Variants in BCKDHB observed in about 807,000 individuals in gnomAD.
BCKDHB encodes branched chain keto acid dehydrogenase E1 subunit beta.
BCKDHB carries 41 observed loss-of-function variants against 48.5 expected under a neutral mutation model. The ratio of observed to expected loss-of-function variants is 0.85; its 90% CI spans 0.66 to 1.10. The LOEUF is 1.10. BCKDHB is among the 50% of genes least tolerant of loss of function. The pLI, the probability that BCKDHB is intolerant of heterozygous loss-of-function variation, is 0.00. For missense variants in BCKDHB, 496 were observed against 494.2 expected, an observed-to-expected ratio of 1.00 and a Z score of -0.03; for synonymous variants, 201 against 174.8, an observed-to-expected ratio of 1.15 and a Z score of -1.18.
chr6:80,301,584 A>C (rs1449726446), intron 9 of BCKDHB, among the ~76,000 whole-genome samples: 1 of 152,156 alleles, frequency 6.6e-6, no homozygotes, highest in Non-Finnish European at 1.5e-5. Flanking sequence ...ACATACAAAG[A>C]ACTGGTACCA....
At chr6:80,365,390 A>G in the BCKDHB span, among the ~76,000 whole-genome samples, 19 of 152,248 alleles carry the variant, frequency 1.2e-4, no homozygotes, top group African/African-American at 4.1e-4. Flanking sequence ...TCTCAACTGC[A>G]TAAGACAGAC....
chr6:80,394,440 GT>G, the BCKDHB span, among the ~76,000 whole-genome samples: 14 of 147,180 alleles, frequency 9.5e-5, no homozygotes, highest in Admixed American at 2.0e-4. Flanking sequence ...CTGAGTTATT[GT>G]TTTTTTTTTG....
At chr6:80,308,787 G>A (rs994453130) in intron 9 of BCKDHB, among the ~76,000 whole-genome samples, 2 of 151,726 alleles carry the variant, frequency 1.3e-5, no homozygotes, top group African/African-American at 4.8e-5. Context: ...AGTAGAGACG[G>A]AGTTTCACCG....
At chr6:80,296,252 G>C (rs957265422) in intron 9 of BCKDHB, among the ~76,000 whole-genome samples, 1 of 152,152 alleles carries the variant, frequency 6.6e-6, no homozygotes, top group African/African-American at 2.4e-5. Flanking sequence ...ACCTTTTGAA[G>C]AGGATTAAAA....
chr6:80,374,693 A>G, the BCKDHB span: 3 of 356,926 alleles, frequency 8.4e-6, no homozygotes, highest in Non-Finnish European at 1.6e-5. Flanking sequence ...TCACCATGCT[A>G]TTTGTCACCC....
the BCKDHB span, among the ~76,000 whole-genome samples, chr6:80,365,172 G>T: frequency 6.6e-6 from 1 of 152,142 alleles, no homozygotes; most frequent in Non-Finnish European, 1.5e-5. Context: ...GTCCAACAAA[G>T]ATCACAAGGC....
chr6:80,395,716 A>G, the BCKDHB span, among the ~76,000 whole-genome samples: 1 of 152,204 alleles, frequency 6.6e-6, no homozygotes, highest in African/African-American at 2.4e-5. Context: ...TGGGGAAAAT[A>G]TCTCCTGGGC....
At chr6:80,116,902 T>C (rs1241363788) in intron 1 of BCKDHB, among the ~76,000 whole-genome samples, 1 of 152,220 alleles carries the variant, frequency 6.6e-6, no homozygotes, top group Non-Finnish European at 1.5e-5. Context: ...GGTTAGCACA[T>C]GCTATAAGTA....
chr6:80,166,472 A>G (rs1223312746), intron 3 of BCKDHB, among the ~76,000 whole-genome samples: 1 of 152,016 alleles, frequency 6.6e-6, no homozygotes, highest in Non-Finnish European at 1.5e-5. Flanking sequence ...CCTGGCCAAC[A>G]TGGTGAAACC....
At chr6:80,292,474 GC>G (rs1183584590) in intron 9 of BCKDHB, among the ~76,000 whole-genome samples, 2 of 152,096 alleles carry the variant, frequency 1.3e-5, no homozygotes, top group African/African-American at 2.4e-5. Flanking sequence ...CACGTGAACA[GC>G]CTGGGGAAGA....
intron 8 of BCKDHB, among the ~76,000 whole-genome samples, chr6:80,233,971 T>G (rs911129063): frequency 6.6e-6 from 1 of 152,158 alleles, no homozygotes; most frequent in Non-Finnish European, 1.5e-5. Context: ...GGAAATGGTT[T>G]CGAGATGAAA....
At chr6:80,207,096 C>G (rs1774701983) in intron 8 of BCKDHB, among the ~76,000 whole-genome samples, 3 of 151,904 alleles carry the variant, frequency 2.0e-5, no homozygotes, top group Admixed American at 2.0e-4. Flanking sequence ...CAAGGGAGCT[C>G]CCTTTGGCAG....
chr6:80,350,708 T>G (rs193296688), downstream of BCKDHB, among the ~76,000 whole-genome samples: 892 of 152,320 alleles, frequency 5.9e-3, 9 homozygotes, highest in South Asian at 0.051. Context: ...AAGTATTTTA[T>G]TTACTATGAA....
intron 9 of BCKDHB, among the ~76,000 whole-genome samples, chr6:80,304,373 T>G (rs1025153233): frequency 6.6e-6 from 1 of 152,130 alleles, no homozygotes; most frequent in African/African-American, 2.4e-5. Flanking sequence ...TAATGTTTCC[T>G]AAAAATTCTG....
rs1438977052 is a variant in BCKDHB at position 80,201,049 on chromosome 6, C to T, written c.840+18C>T. 1 of 1,564,104 alleles carries T rather than the reference C, an allele frequency of 6.4e-7. No homozygotes were observed. The highest frequency in any genetic ancestry group is 8.8e-7 in the Non-Finnish European group (1 of 1,134,830). On this transcript the variant is annotated intron_variant, in intron 7 of 9. Transcript: ENST00000320393. The stretch of plus-strand genomic sequence containing the variant: ...GCACTCAGGTGAGTAGCATTGATCC[C>T]AACTGTTAAAACCTACGTTGTGCTT...
chr6:80,239,065 G>A (rs536514964), intron 8 of BCKDHB, among the ~76,000 whole-genome samples: 1 of 152,258 alleles, frequency 6.6e-6, no homozygotes, highest in East Asian at 1.9e-4. Flanking sequence ...GAACATACGT[G>A]TGCATGTGTC....
chr6:80,305,297 T>A (rs1394676548), intron 9 of BCKDHB, among the ~76,000 whole-genome samples: 2 of 152,032 alleles, frequency 1.3e-5, no homozygotes, highest in East Asian at 3.8e-4. Flanking sequence ...CTTAAAATAA[T>A]TAACATTTTT....
intron 8 of BCKDHB, among the ~76,000 whole-genome samples, chr6:80,230,258 T>A (rs1034913633): frequency 4.6e-5 from 7 of 151,546 alleles, no homozygotes; most frequent in Non-Finnish European, 1.0e-4. Flanking sequence ...CAGGATGGTC[T>A]CGATCTCCTG....
At chr6:80,228,963 C>T (rs1174069105) in intron 8 of BCKDHB, among the ~76,000 whole-genome samples, 1 of 152,144 alleles carries the variant, frequency 6.6e-6, no homozygotes, top group Non-Finnish European at 1.5e-5. Flanking sequence ...CCTGAACATG[C>T]CCAGTAGTCT....
Sources: gnomAD v4.1 joint callset for allele counts (sites outside exome capture counted in the v4.1 genomes callset) on GRCh38, gnomAD v4.1.1 for gene constraint, MANE v1.5 for transcripts, NCBI Gene and HGNC (gene_info 2026-07-23, HGNC 2026-07-21) for gene names.